UTP6: variants seen among roughly 807,000 people sequenced by gnomAD.
UTP6 encodes the protein UTP6 small subunit processome component.
In UTP6, 60 loss-of-function variants were observed where a neutral mutation model predicts 96.5. That is an observed-to-expected ratio of 0.62 (90% CI 0.51 to 0.77). The LOEUF is 0.77. UTP6 is among the 30% of genes least tolerant of loss of function. The probability of loss-of-function intolerance (pLI) is 0.00; values close to 1 mark genes in which losing one functional copy is unlikely to be tolerated. For missense variants in UTP6, 637 were observed against 706.5 expected (o/e 0.90, Z 1.12); for synonymous variants, 215 against 240.1 (o/e 0.90, Z 0.96).
At chr17:31,891,223 G>C (rs1418987638) in intron 6 of UTP6, among the ~76,000 whole-genome samples, 1 of 152,108 alleles carries the variant, frequency 6.6e-6, no homozygotes, top group Non-Finnish European at 1.5e-5. Context: ...CCTTGAACAT[G>C]TGACTCCTAA....
At position 31,884,525 on chromosome 17, in the gene UTP6, GA is replaced by G. The variant is rs776861128; in HGVS notation, c.704-21del. The G allele has an allele frequency of 1.9e-6, 3 of 1,598,406 alleles. No homozygotes were observed. Among genetic ancestry groups the G allele is most frequent in the Non-Finnish European group, 2.6e-6 (3 of 1,169,308 alleles). On this transcript the variant is annotated intron_variant, in intron 9 of 18. Transcript: ENST00000261708. Reference sequence around the variant, plus strand: ...CTGCACCTAAATTTAAAAAGCAGGGGAGGGGAAGTTTATTGCCAATAAGAAT... The same window carrying G: ...CTGCACCTAAATTTAAAAAGCAGGGGGGGGAAGTTTATTGCCAATAAGAAT...
chr17:31,868,663 G>A (rs1909981952), intron 16 of UTP6, among the ~76,000 whole-genome samples: 2 of 151,976 alleles, frequency 1.3e-5, no homozygotes, highest in African/African-American at 2.4e-5. Flanking sequence ...TTTATCAATT[G>A]TAGAGTTTTC....
Position 31,886,042 on chromosome 17 carries a change from T to C in UTP6, c.641A>G (p.Glu214Gly), listed in dbSNP as rs752391329. Residue 214 changes from glutamate (E) to glycine (G), a missense_variant, in exon 9 of 19, where the codon GAA becomes GGA. Glu to Gly is a moderately conservative substitution (Grantham distance 98, BLOSUM62 -2). Coordinates refer to ENST00000261708, the MANE Select transcript of UTP6 (RefSeq NM_018428.3). ...SMDVENPDYS[E>G]EILKGELAWI... ...TGCCAACTCGCCCTTAAGGATTTCT[T>C]CAGAATAATCAGGATTCTCCTAAAG... 6.2e-7 allele frequency: 1 copy of C among 1,613,670 alleles called. No individual in the cohort carries two copies. Among genetic ancestry groups the C allele is most frequent in the Non-Finnish European group, 8.5e-7 (1 of 1,179,902 alleles).
At chr17:31,886,322 C>A (rs894758639) in intron 8 of UTP6, among the ~76,000 whole-genome samples, 1 of 152,172 alleles carries the variant, frequency 6.6e-6, no homozygotes, top group African/African-American at 2.4e-5. Context: ...CAAAACAGGT[C>A]AGATTTTACA....
chr17:31,890,215 CA>C (rs1036268455), intron 6 of UTP6, among the ~76,000 whole-genome samples: 3 of 151,596 alleles, frequency 2.0e-5, no homozygotes, highest in African/African-American at 7.3e-5. Context: ...AGGCTGGTCT[CA>C]AACTCCTGAT....
intron 16 of UTP6, among the ~76,000 whole-genome samples, chr17:31,871,756 G>A (rs1910183051): frequency 6.6e-6 from 1 of 151,744 alleles, no homozygotes. Context: ...ACCTGGGTGT[G>A]GTGGCACACA....
At chr17:31,887,819 G>T (rs971992875) in intron 7 of UTP6, 1 of 151,368 alleles carries the variant, frequency 6.6e-6, no homozygotes, top group Non-Finnish European at 1.5e-5. Flanking sequence ...AAGTTAGCGG[G>T]GCATGGTGGT....
In UTP6 at chr17:31,873,625, C is replaced by T. The variant is rs147584370; in HGVS notation, c.1386+48G>A. On this transcript the variant is annotated intron_variant, in intron 15 of 18. Transcript: ENST00000261708. ...ACACTAGAGCTGACCAACCAGGGAA[C>T]CTTCTGCCATTCCCCACACCACAAG... The T allele has an allele frequency of 3.7e-4, 601 of 1,613,014 alleles. 2 individuals are homozygous for T. The African/African-American group carries it at 6.5e-3, about 17-fold the overall frequency.
At chr17:31,892,376 ACT>A (rs1904372990) in intron 5 of UTP6, 53 bp from the exon 6 acceptor site, 3 of 1,538,898 alleles carry the variant, frequency 1.9e-6, no homozygotes, top group Non-Finnish European at 2.7e-6. Flanking sequence ...CATTGATCTT[ACT>A]CTCTAAGTAA....
intron 10 of UTP6, 151 bp from the exon 11 acceptor site, chr17:31,880,905 G>T: frequency 9.4e-7 from 1 of 1,064,842 alleles, no homozygotes; most frequent in Non-Finnish European, 1.3e-6. Flanking sequence ...CGGGCCCGGT[G>T]GCTCACGCCA....
At position 31,878,307 on chromosome 17, in the gene UTP6, A is replaced by T; in HGVS notation, c.1068T>A (p.Thr356=). ...TCAGTTCATGTGCCTTCCTGAATAC[A>T]GTCATGGTTCTTTCCAACCTCTGAA... ...LRGKRLERTM[T]VFRKAHELKL... is the part of the protein sequence containing the mutation. The change falls in exon 13 of 19, where the codon ACT becomes ACA. Residue 356 remains threonine (T), a synonymous_variant. Coordinates refer to ENST00000261708, the MANE Select transcript of UTP6 (RefSeq NM_018428.3). 6.2e-7 allele frequency: 1 copy of T among 1,614,196 alleles called. No individual in the cohort carries two copies. Among genetic ancestry groups the T allele is most frequent in the Non-Finnish European group, 8.5e-7 (1 of 1,180,040 alleles).
chr17:31,875,820 C>CAAAAAAA (rs1012799437), intron 13 of UTP6, among the ~76,000 whole-genome samples: 2 of 65,812 alleles, frequency 3.0e-5, no homozygotes, highest in Non-Finnish European at 6.1e-5. Context: ...AACTCTATCT[C>CAAAAAAA]AAAAAAAAAA....
intron 2 of UTP6, among the ~76,000 whole-genome samples, chr17:31,897,390 T>C (rs904598569): frequency 1.3e-5 from 2 of 152,120 alleles, no homozygotes; most frequent in Non-Finnish European, 2.9e-5. Context: ...GGTTCATATA[T>C]TGTTTGTTCG....
intron 14 of UTP6, chr17:31,874,011 C>T (rs1910347355): frequency 2.4e-6 from 1 of 409,266 alleles, no homozygotes; most frequent in South Asian, 3.6e-5. Context: ...AGAACACAGC[C>T]AGCCTTCTGA....
At chr17:31,893,836 T>C (rs60794871) in intron 4 of UTP6, among the ~76,000 whole-genome samples, 2,777 of 151,570 alleles carry the variant, frequency 0.018, 33 homozygotes, top group African/African-American at 0.03. Flanking sequence ...TTAACTATGA[T>C]AATTCAACCT....
chr17:31,880,124 A>G, intron 11 of UTP6: 1 of 172,214 alleles, frequency 5.8e-6, no homozygotes, highest in South Asian at 1.3e-4. Context: ...ACAAAAAACA[A>G]AAAAAACCCA....
intron 16 of UTP6, among the ~76,000 whole-genome samples, chr17:31,868,325 G>GTTTT (rs33960994): frequency 0.02 from 1,799 of 90,080 alleles, 19 homozygotes; most frequent in Non-Finnish European, 0.025. Context: ...TAGTTTTTTG[G>GTTTT]TTTTTTTTTT....
At chr17:31,880,873 C>T in intron 10 of UTP6, 119 bp from the exon 11 acceptor site, 1 of 1,341,388 alleles carries the variant, frequency 7.5e-7, no homozygotes, top group African/African-American at 1.5e-5. Flanking sequence ...AACTGCAGTA[C>T]CATAAAAACT....
At chr17:31,881,341 G>A (rs981685085) in intron 10 of UTP6, among the ~76,000 whole-genome samples, 5 of 143,000 alleles carry the variant, frequency 3.5e-5, no homozygotes, top group South Asian at 2.2e-4. Context: ...ATCTCAGTTC[G>A]CTGCAACCCC....
Sources: allele counts gnomAD v4.1 joint callset (sites outside exome capture counted in the v4.1 genomes callset), GRCh38; gene constraint gnomAD v4.1.1; transcripts MANE v1.5; gene names NCBI Gene and HGNC (gene_info 2026-07-23, HGNC 2026-07-21).